The following SNRPC variants were observed in gnomAD, a reference collection of about 807,000 sequenced individuals.
SNRPC encodes U1 small nuclear ribonucleoprotein C.
In SNRPC, 5 loss-of-function variants were observed where a neutral mutation model predicts 20.0. The observed-to-expected ratio is 0.25, with a 90% CI of 0.13 to 0.53. The LOEUF (loss-of-function observed/expected upper bound fraction) is 0.53. Among genes scored for constraint, SNRPC ranks in the 20% least tolerant of loss-of-function variants. The pLI, the probability that SNRPC is intolerant of heterozygous loss-of-function variation, is 0.96. For missense variants in SNRPC, 112 were observed against 224.1 expected, an observed-to-expected ratio of 0.50 and a Z score of 3.19; for synonymous variants, 61 against 58.7, an observed-to-expected ratio of 1.04 and a Z score of -0.18.
intron 4 of SNRPC, among the ~76,000 whole-genome samples, chr6:34,769,847 C>A (rs1430589912): frequency 1.3e-5 from 2 of 152,006 alleles, no homozygotes; most frequent in Non-Finnish European, 2.9e-5. Flanking sequence ...TTTTGTGGAT[C>A]TGCTATTATA....
chr6:34,762,500 T>TA, intron 2 of SNRPC, 95 bp from the exon 3 acceptor site: 1 of 656,428 alleles, frequency 1.5e-6, no homozygotes, highest in Non-Finnish European at 2.7e-6. Context: ...ATGCTGCTGA[T>TA]ACTAGACACG....
chr6:34,758,049 A>G, intron 2 of SNRPC, 95 bp downstream of exon 2: 9 of 1,340,080 alleles, frequency 6.7e-6, no homozygotes, highest in Non-Finnish European at 8.2e-6. Context: ...GTGCTTTCCC[A>G]CCTGCTGAGG....
At chr6:34,763,445 G>A (rs1764563856) in intron 3 of SNRPC, among the ~76,000 whole-genome samples, 1 of 152,030 alleles carries the variant, frequency 6.6e-6, no homozygotes, top group Non-Finnish European at 1.5e-5. Flanking sequence ...ACTTTGGGAG[G>A]CCGAGGCTGG....
intron 5 of SNRPC, 99 bp downstream of exon 5, chr6:34,770,494 C>A: frequency 1.4e-6 from 1 of 736,914 alleles, no homozygotes; most frequent in Non-Finnish European, 2.3e-6. Context: ...GTAGCCAAAG[C>A]TTGAAAATGG....
chr6:34,773,368 A>T lies in SNRPC; in HGVS notation c.356-78A>T. The T allele has an allele frequency of 2.9e-6, 4 of 1,365,808 alleles. No individual in the cohort carries two copies. The highest frequency in any genetic ancestry group is 2.2e-5 in the Admixed American group (1 of 45,764). The allele number at this position is 1,365,808 out of a possible 1,614,324, so 84.6% of individuals were successfully genotyped here. A position where few individuals can be genotyped will look rare whatever the true frequency, so the allele number is the denominator to read the frequency against. On this transcript the variant is annotated intron_variant, in intron 5 of 5. Transcript: ENST00000244520. This position sits in a 1 kb window ranked among gnomAD's most constrained non-coding sequence, Gnocchi z 4.1. ...AGGGGGGCTACGTTTTTTGTTTTTA[A>T]TTGAAGTCCCATCAAACTCTCCCTA...
At chr6:34,760,693 C>G (rs1289377186) in intron 2 of SNRPC, among the ~76,000 whole-genome samples, 1 of 151,944 alleles carries the variant, frequency 6.6e-6, no homozygotes, top group Non-Finnish European at 1.5e-5. Context: ...AAAATGATGT[C>G]TTGCAAAAAT....
chr6:34,773,672 A>C lies in SNRPC; in HGVS notation c.*102A>C. On this transcript the variant is annotated 3_prime_UTR_variant, in exon 6 of 6. Transcript: ENST00000244520. This position sits in a 1 kb window ranked among gnomAD's most constrained non-coding sequence, Gnocchi z 4.1. ...CTGAGTTTTCTAAACAGCATAAGGA[A>C]GACTTGCTCCCCTGTCCTATGAAAG... is the stretch of plus-strand genomic sequence containing the variant. 1.9e-6 allele frequency: 2 copies of C among 1,031,166 alleles called. No individual in the cohort carries two copies. The highest frequency in any genetic ancestry group is 3.3e-5 in the South Asian group (2 of 60,178). 63.9% of individuals were successfully genotyped at this position (1,031,166 alleles called of 1,614,324 possible).
At position 34,773,326 on chromosome 6, in the gene SNRPC, T is replaced by C. The variant is rs1764712006; in HGVS notation, c.356-120T>C. On this transcript the variant is annotated intron_variant, in intron 5 of 5. Transcript: ENST00000244520. This position sits in a 1 kb window ranked among gnomAD's most constrained non-coding sequence, Gnocchi z 4.1. Reference sequence around the variant, plus strand: ...GCATTTCTTCTGTCACGTGTGTCTTTTTTCCAGCATTTTGCAAGGGGGGCT... The same window carrying C: ...GCATTTCTTCTGTCACGTGTGTCTTCTTTCCAGCATTTTGCAAGGGGGGCT... 1.3e-6 allele frequency: 1 copy of C among 796,468 alleles called. No homozygotes were observed. The highest frequency in any genetic ancestry group is 1.7e-5 in the African/African-American group (1 of 57,688). The allele number at this position is 796,468 out of a possible 1,614,324, so 49.3% of individuals were successfully genotyped here.
chr6:34,772,155 G>A (rs9469864), intron 5 of SNRPC, among the ~76,000 whole-genome samples: 29,368 of 152,078 alleles, frequency 0.19, 3,356 homozygotes, highest in African/African-American at 0.31. Flanking sequence ...TTGTCCATGA[G>A]TGGATAATTG....
intron 5 of SNRPC, among the ~76,000 whole-genome samples, chr6:34,772,096 T>C (rs1764699199): frequency 6.6e-6 from 1 of 152,054 alleles, no homozygotes; most frequent in Non-Finnish European, 1.5e-5. Flanking sequence ...AATAATTGAG[T>C]AATTAGAGGG....
Position 34,767,891 on chromosome 6 carries a change from T to A in SNRPC, c.161-17T>A. 2 of 1,489,610 alleles carry A rather than the reference T, an allele frequency of 1.3e-6. No individual in the cohort carries two copies. The highest frequency in any genetic ancestry group is 1.8e-6 in the Non-Finnish European group (2 of 1,138,056). The allele number at this position is 1,489,610 out of a possible 1,614,324, so 92.3% of individuals were successfully genotyped here. A position where few individuals can be genotyped will look rare whatever the true frequency, so the allele number is the denominator to read the frequency against. On this transcript the variant is annotated splice_polypyrimidine_tract_variant and intron_variant, in intron 3 of 5. Transcript: ENST00000244520. ...CTTATTCATCTTTTTTTTTTTTTTT[T>A]TCCTCACCCTCCAAAGCGGCTGCAT...
chr6:34,758,276 T>A (rs1243772185), intron 2 of SNRPC, among the ~76,000 whole-genome samples: 3 of 152,174 alleles, frequency 2.0e-5, no homozygotes, highest in Admixed American at 2.0e-4. Context: ...AAAAAGCTGC[T>A]TGTCAAATAA....
chr6:34,769,729 A>T (rs143563233), intron 4 of SNRPC, among the ~76,000 whole-genome samples: 15 of 152,182 alleles, frequency 9.9e-5, no homozygotes, highest in South Asian at 6.2e-4. Flanking sequence ...TTTAAATTAA[A>T]ATCTCAATTT....
At chr6:34,757,685 G>C in intron 1 of SNRPC, 134 bp downstream of exon 1, 2 of 1,364,396 alleles carry the variant, frequency 1.5e-6, no homozygotes, top group Non-Finnish European at 1.0e-6. Context: ...CGGAGGCAGG[G>C]AGATGGAGAG....
chr6:34,769,213 A>T (rs1323391691), intron 4 of SNRPC, among the ~76,000 whole-genome samples: 3 of 146,228 alleles, frequency 2.1e-5, no homozygotes. Context: ...AATTTACCTC[A>T]CTATTTTCTT....
chr6:34,757,769 A>C, intron 1 of SNRPC, 143 bp from the exon 2 acceptor site: 1 of 1,577,962 alleles, frequency 6.3e-7, no homozygotes, highest in Non-Finnish European at 8.6e-7. Context: ...TTATGTGTCG[A>C]CGCTTTGATG....
chr6:34,773,323 C>T lies in SNRPC; in HGVS notation c.356-123C>T. On this transcript the variant is annotated intron_variant, in intron 5 of 5. Transcript: ENST00000244520. The surrounding 1 kb of genome is among the most constrained non-coding windows in gnomAD (Gnocchi z 4.1). ...GTTGCATTTCTTCTGTCACGTGTGT[C>T]TTTTTTCCAGCATTTTGCAAGGGGG... 1.3e-6 allele frequency: 1 copy of T among 773,996 alleles called. No homozygotes were observed. 47.9% of individuals were successfully genotyped at this position (773,996 alleles called of 1,614,324 possible).
chr6:34,759,514 A>T (rs1042216323), intron 2 of SNRPC, among the ~76,000 whole-genome samples: 1 of 152,236 alleles, frequency 6.6e-6, no homozygotes, highest in Admixed American at 6.5e-5. Context: ...GTCACTCAGA[A>T]TATTAAAAAG....
intron 3 of SNRPC, among the ~76,000 whole-genome samples, chr6:34,765,980 A>G (rs1327944574): frequency 4.0e-5 from 6 of 151,452 alleles, no homozygotes; most frequent in Admixed American, 1.3e-4. Context: ...GCCTCAAGCA[A>G]TCCTCCTGCC....
Sources: gnomAD v4.1 joint callset for allele counts (sites outside exome capture counted in the v4.1 genomes callset) on GRCh38, gnomAD v4.1.1 for gene constraint, Gnocchi (gnomAD v3.1) non-coding constraint, MANE v1.5 for transcripts, NCBI Gene and HGNC (gene_info 2026-07-23, HGNC 2026-07-21) for gene names.